The following OLFML2B variants were observed in gnomAD, a reference collection of about 807,000 sequenced individuals.
The protein encoded by OLFML2B is olfactomedin-like protein 2B.
A neutral mutation model predicts 74.9 loss-of-function variants in OLFML2B; 57 were observed. The observed-to-expected ratio is 0.76, with a 90% CI of 0.61 to 0.95. OLFML2B has a LOEUF of 0.95. OLFML2B is among the 40% of genes least tolerant of loss of function. The pLI, the probability that OLFML2B is intolerant of heterozygous loss-of-function variation, is 0.00. For synonymous variants in OLFML2B, 388 were observed against 405.8 expected (o/e 0.96, Z 0.53); for missense variants, 986 against 970.6 (o/e 1.02, Z -0.21).
intron 5 of OLFML2B, among the ~76,000 whole-genome samples, chr1:161,999,162 G>A (rs1279788917): frequency 6.6e-6 from 1 of 152,158 alleles, no homozygotes; most frequent in African/African-American, 2.4e-5. Context: ...AGCAGAGATG[G>A]AATATGGAGA....
In OLFML2B at chr1:162,006,402, C is replaced by G; in HGVS notation, c.618G>C (p.Met206Ile). ...KEDMEEIRTEMNKRGKENCSE... is the reference protein window; with the variant it reads ...KEDMEEIRTEINKRGKENCSE... ...AGCAATTTTCTTTGCCTCGCTTATT[C>G]ATCTCGGTTCGAATTTCTTCCATGT... is the stretch of plus-strand genomic sequence containing the variant. The change falls in exon 4 of 8, where the codon ATG (methionine) becomes ATC (isoleucine). Residue 206 changes from methionine to isoleucine, a missense_variant. By Grantham distance (10) the Met-to-Ile change is conservative. Coordinates refer to ENST00000294794, the MANE Select transcript of OLFML2B (RefSeq NM_015441.3). 6.2e-7 allele frequency: 1 copy of G among 1,612,402 alleles called. No homozygotes were observed. Among genetic ancestry groups the G allele is most frequent in the Non-Finnish European group, 8.5e-7 (1 of 1,179,626 alleles).
chr1:161,983,228 G>C lies in OLFML2B; in HGVS notation c.*447C>G, dbSNP rs186150221. ...TTCTTCTTTATTAAAAAAAAAAAGC[G>C]TTTTTCTGGGTTTTTTAAAACTTCT... On this transcript the variant is annotated 3_prime_UTR_variant, in exon 8 of 8. Transcript: ENST00000294794. 6.6e-6 allele frequency: 1 copy of C among 150,442 alleles called. No individual in the cohort carries two copies. The highest frequency in any genetic ancestry group is 2.5e-5 in the African/African-American group (1 of 40,174). The allele number at this position is 150,442 out of a possible 1,614,324, so 9.3% of individuals were successfully genotyped here.
intron 3 of OLFML2B, 149 bp downstream of exon 3, chr1:162,017,251 A>G: frequency 6.8e-6 from 4 of 591,532 alleles, no homozygotes; most frequent in South Asian, 6.7e-5. Flanking sequence ...ATAATTTTGA[A>G]TGAATCTTTT....
chr1:161,983,965 C>G lies in OLFML2B; in HGVS notation c.1963G>C (p.Asp655His). Residue 655 changes from aspartate (D) to histidine (H), a missense_variant, in exon 8 of 8, where the codon GAC becomes CAC. Coordinates refer to ENST00000294794, the MANE Select transcript of OLFML2B (RefSeq NM_015441.3). Reference protein sequence around the residue: ...VIVLSKLNAADLSTQKETTWR... With the variant: ...VIVLSKLNAAHLSTQKETTWR... ...GTGGTCTCCTTCTGTGTGCTCAGGT[C>G]CGCGGCATTGAGCTTGCTCAGGACA... is the stretch of plus-strand genomic sequence containing the variant. 1 of 1,614,224 alleles carries G rather than the reference C, an allele frequency of 6.2e-7. No homozygotes were observed. The highest frequency in any genetic ancestry group is 8.5e-7 in the Non-Finnish European group (1 of 1,180,040).
chr1:161,984,989 G>A lies in OLFML2B; in HGVS notation c.1475-9C>T, dbSNP rs1345638398. On this transcript the variant is annotated splice_polypyrimidine_tract_variant and intron_variant, in intron 6 of 7. Transcript: ENST00000294794. Reference sequence around the variant, plus strand: ...AGTGTCCTTGCACCTTCCTGGTGGAGAAGAGGTGGATGGAGGTTTTGGGCT... The same window carrying A: ...AGTGTCCTTGCACCTTCCTGGTGGAAAAGAGGTGGATGGAGGTTTTGGGCT... 2 of 1,602,164 alleles carry A rather than the reference G, an allele frequency of 1.2e-6. No individual in the cohort carries two copies. Among genetic ancestry groups the A allele is most frequent in the African/African-American group, 1.4e-5 (1 of 72,948 alleles).
At chr1:162,008,286 T>C (rs889181119) in intron 3 of OLFML2B, among the ~76,000 whole-genome samples, 3 of 152,214 alleles carry the variant, frequency 2.0e-5, no homozygotes, top group Non-Finnish European at 4.4e-5. Context: ...CTATTTTTCA[T>C]ATAATGTTAC....
chr1:161,989,984 G>C (rs1274762613), intron 6 of OLFML2B, among the ~76,000 whole-genome samples: 1 of 152,202 alleles, frequency 6.6e-6, no homozygotes, highest in South Asian at 2.1e-4. Context: ...ATTCTTTCTT[G>C]TGTTACTTCC....
chr1:162,012,486 G>T (rs1690418593), intron 3 of OLFML2B, among the ~76,000 whole-genome samples: 1 of 152,232 alleles, frequency 6.6e-6, no homozygotes, highest in African/African-American at 2.4e-5. Flanking sequence ...CCAGTTCTGG[G>T]TCTGGTAAAT....
At chr1:162,004,410 A>T (rs984085251) in intron 4 of OLFML2B, among the ~76,000 whole-genome samples, 5 of 152,196 alleles carry the variant, frequency 3.3e-5, no homozygotes, top group Non-Finnish European at 7.3e-5. Flanking sequence ...ATTTCCAAAA[A>T]AGCACCAAAG....
chr1:162,020,525 T>G (rs1570961142), intron 1 of OLFML2B, among the ~76,000 whole-genome samples: 1 of 151,368 alleles, frequency 6.6e-6, no homozygotes, highest in East Asian at 1.9e-4. Flanking sequence ...TTTCTTTCTT[T>G]CTTTTTCTTT....
At chr1:162,017,642 C>CATTTGTGT (rs1690581120) in intron 2 of OLFML2B, 135 bp from the exon 3 acceptor site, 1 of 616,632 alleles carries the variant, frequency 1.6e-6, no homozygotes, top group South Asian at 2.2e-5. Context: ...GTGAGAAACA[C>CATTTGTGT]ATTTGTGTAG....
At chr1:161,989,773 A>C (rs1689684811) in intron 6 of OLFML2B, among the ~76,000 whole-genome samples, 1 of 152,216 alleles carries the variant, frequency 6.6e-6, no homozygotes, top group Non-Finnish European at 1.5e-5. Context: ...CCCCACTTGC[A>C]TATAGGGTTT....
chr1:162,003,831 C>T (rs1039819884), intron 4 of OLFML2B, among the ~76,000 whole-genome samples: 6 of 152,166 alleles, frequency 3.9e-5, no homozygotes, highest in African/African-American at 1.4e-4. Flanking sequence ...CTTCCACCCG[C>T]TTTTTGGCAT....
intron 2 of OLFML2B, 70 bp from the exon 3 acceptor site, chr1:162,017,577 T>A: frequency 8.7e-7 from 1 of 1,145,296 alleles, no homozygotes; most frequent in Non-Finnish European, 1.3e-6. Context: ...TCCTTTCAGA[T>A]CTGCATACTG....
rs1237405666 is a variant in OLFML2B, at chr1:162,023,511, G to T, written c.-81C>A. 2.2e-6 allele frequency: 3 copies of T among 1,349,218 alleles called. No individual in the cohort carries two copies. The highest frequency in any genetic ancestry group is 1.5e-5 in the African/African-American group (1 of 66,414). The allele number at this position is 1,349,218 out of a possible 1,614,324, so 83.6% of individuals were successfully genotyped here. A position where few individuals can be genotyped will look rare whatever the true frequency, so the allele number is the denominator to read the frequency against. ...TCTCGGCAAGGACTTCTGCGAGAGG[G>T]TGTCCTCGCTAGAGCCCGAAAGTGG... is the stretch of plus-strand genomic sequence containing the variant. On this transcript the variant is annotated 5_prime_UTR_variant, in exon 1 of 8. Coordinates refer to ENST00000294794, the MANE Select transcript of OLFML2B (RefSeq NM_015441.3).
At chr1:162,017,001 T>A (rs975153166) in intron 3 of OLFML2B, among the ~76,000 whole-genome samples, 3 of 152,200 alleles carry the variant, frequency 2.0e-5, no homozygotes, top group African/African-American at 7.2e-5. Flanking sequence ...TACAGGGGTA[T>A]GCACCAGAAC....
At chr1:161,999,800 A>T (rs1406979464) in intron 5 of OLFML2B, among the ~76,000 whole-genome samples, 1 of 152,202 alleles carries the variant, frequency 6.6e-6, no homozygotes, top group Admixed American at 6.5e-5. Flanking sequence ...TAAGCAAGTC[A>T]GTCTCCCCAA....
chr1:161,989,996 T>G (rs1036450100), intron 6 of OLFML2B, among the ~76,000 whole-genome samples: 1 of 152,330 alleles, frequency 6.6e-6, no homozygotes, highest in East Asian at 1.9e-4. Flanking sequence ...GTTACTTCCC[T>G]GTATTAGACA....
intron 3 of OLFML2B, among the ~76,000 whole-genome samples, chr1:162,015,932 C>T (rs1690520797): frequency 6.6e-6 from 1 of 152,216 alleles, no homozygotes; most frequent in Non-Finnish European, 1.5e-5. Context: ...CATCAGACCT[C>T]ATATCTGATG....
Sources: gnomAD v4.1 joint callset for allele counts (sites outside exome capture counted in the v4.1 genomes callset) on GRCh38, gnomAD v4.1.1 for gene constraint, MANE v1.5 for transcripts, NCBI Gene and HGNC (gene_info 2026-07-23, HGNC 2026-07-21) for gene names.